SLC24A2: variants seen among roughly 807,000 people sequenced by gnomAD.
SLC24A2 encodes solute carrier family 24 member 2, also known as sodium/potassium/calcium exchanger 2.
SLC24A2 carries 36 observed loss-of-function variants against 62.0 expected under a neutral mutation model. The observed-to-expected ratio is 0.58, with a 90% CI of 0.44 to 0.77. The LOEUF (loss-of-function observed/expected upper bound fraction) is 0.77. Ranked by LOEUF, SLC24A2 falls within the 30% of genes least tolerant of loss-of-function variation. The pLI, the probability that SLC24A2 is intolerant of heterozygous loss-of-function variation, is 0.00. For synonymous variants in SLC24A2, 358 were observed against 294.0 expected (o/e 1.22, Z -2.23); for missense variants, 846 against 817.9 (o/e 1.03, Z -0.42).
chr9:19,699,502 A>C (rs550918023), intron 2 of SLC24A2, among the ~76,000 whole-genome samples: 1 of 152,364 alleles, frequency 6.6e-6, no homozygotes. Flanking sequence ...ACATTCATGC[A>C]ATATTATGAT....
chr9:19,986,275 T>C, the SLC24A2 span, among the ~76,000 whole-genome samples: 1 of 152,046 alleles, frequency 6.6e-6, no homozygotes, highest in East Asian at 1.9e-4. Context: ...AGAAAATAAG[T>C]ATAAGTGAAA....
chr9:19,902,415 C>A, the SLC24A2 span, among the ~76,000 whole-genome samples: 12 of 152,138 alleles, frequency 7.9e-5, no homozygotes, highest in Non-Finnish European at 1.8e-4. Flanking sequence ...ACAGATGAAT[C>A]CTGCCCTGAC....
intron 2 of SLC24A2, among the ~76,000 whole-genome samples, chr9:19,662,200 C>T (rs962353808): frequency 6.6e-5 from 10 of 152,226 alleles, no homozygotes; most frequent in East Asian, 1.9e-4. Flanking sequence ...TTAACATAAT[C>T]GAATATAGCC....
the SLC24A2 span, among the ~76,000 whole-genome samples, chr9:20,240,566 T>G: frequency 6.6e-6 from 1 of 152,132 alleles, no homozygotes; most frequent in African/African-American, 2.4e-5. Context: ...GCAGCTTCCT[T>G]TTTAACTTGG....
the SLC24A2 span, among the ~76,000 whole-genome samples, chr9:20,007,466 G>A: frequency 1.3e-5 from 2 of 151,958 alleles, no homozygotes; most frequent in Non-Finnish European, 2.9e-5. Flanking sequence ...AGGTTCTCAG[G>A]CTCTCCAAAT....
the SLC24A2 span, among the ~76,000 whole-genome samples, chr9:19,848,549 T>G: frequency 1.3e-5 from 2 of 152,210 alleles, no homozygotes; most frequent in African/African-American, 2.4e-5. Flanking sequence ...TGATATATGG[T>G]ATTGTATGTA....
chr9:19,588,716 A>T (rs1163132162), intron 5 of SLC24A2, among the ~76,000 whole-genome samples: 3 of 152,038 alleles, frequency 2.0e-5, no homozygotes, highest in African/African-American at 7.2e-5. Context: ...ATCCTAGCAC[A>T]TTGGGAGGCT....
At chr9:19,830,766 A>G in the SLC24A2 span, among the ~76,000 whole-genome samples, 4 of 152,168 alleles carry the variant, frequency 2.6e-5, no homozygotes, top group Admixed American at 6.5e-5. Flanking sequence ...TGCATGAGCC[A>G]AAGAGCCAAG....
the SLC24A2 span, among the ~76,000 whole-genome samples, chr9:20,292,738 C>T: frequency 6.6e-6 from 1 of 152,190 alleles, no homozygotes; most frequent in Non-Finnish European, 1.5e-5. Context: ...CACAGGCATG[C>T]ACCACCAAGC....
At chr9:19,950,105 C>G in the SLC24A2 span, among the ~76,000 whole-genome samples, 2 of 152,146 alleles carry the variant, frequency 1.3e-5, no homozygotes, top group Admixed American at 1.3e-4. Context: ...AGCCTGGGTT[C>G]AAATCCAAAT....
chr9:20,240,802 G>GTAGAA, the SLC24A2 span, among the ~76,000 whole-genome samples: 112 of 152,256 alleles, frequency 7.4e-4, 1 homozygote, highest in African/African-American at 2.6e-3. Flanking sequence ...GTTACCTAGA[G>GTAGAA]TACAAATGGA....
the SLC24A2 span, among the ~76,000 whole-genome samples, chr9:19,888,358 T>C: frequency 3.9e-5 from 6 of 152,328 alleles, no homozygotes; most frequent in East Asian, 1.2e-3. Flanking sequence ...TTCTTCTGCC[T>C]TTCTCTAATT....
chr9:20,187,037 AT>A, the SLC24A2 span, among the ~76,000 whole-genome samples: 2 of 152,122 alleles, frequency 1.3e-5, no homozygotes, highest in African/African-American at 4.8e-5. Flanking sequence ...TAGAAAAGGC[AT>A]TTTGAGGGAA....
chr9:19,552,190 C>G (rs190439357), intron 7 of SLC24A2, among the ~76,000 whole-genome samples: 384 of 152,274 alleles, frequency 2.5e-3, no homozygotes, highest in African/African-American at 8.8e-3. Context: ...TTGGTGGAAG[C>G]TTGGTGTGCT....
intron 8 of SLC24A2, among the ~76,000 whole-genome samples, chr9:19,528,806 G>A (rs1563934869): frequency 6.6e-6 from 1 of 152,152 alleles, no homozygotes; most frequent in Non-Finnish European, 1.5e-5. Flanking sequence ...GATTTCCACT[G>A]AGATGGCAGA....
In SLC24A2 at chr9:19,511,218, C is replaced by T. The variant is rs1370114867; in HGVS notation, c.*4935G>A. On this transcript the variant is annotated 3_prime_UTR_variant, in exon 11 of 11. Coordinates refer to ENST00000341998, the MANE Select transcript of SLC24A2 (RefSeq NM_020344.4). Reference sequence around the variant, plus strand: ...AGAGTTGAGCTGGCTGTGAGTAGTTCCCTTATTGCTTTTCTTGTTTGCTAT... The same window carrying T: ...AGAGTTGAGCTGGCTGTGAGTAGTTTCCTTATTGCTTTTCTTGTTTGCTAT... 1 of 152,066 alleles carries T rather than the reference C, an allele frequency of 6.6e-6. No homozygotes were observed. The highest frequency in any genetic ancestry group is 2.4e-5 in the African/African-American group (1 of 41,410). The allele number at this position is 152,066 out of a possible 1,614,324, so 9.4% of individuals were successfully genotyped here. A position where few individuals can be genotyped will look rare whatever the true frequency, so the allele number is the denominator to read the frequency against.
chr9:19,689,885 G>A (rs1475258304), intron 2 of SLC24A2, among the ~76,000 whole-genome samples: 2 of 152,206 alleles, frequency 1.3e-5, no homozygotes, highest in East Asian at 3.9e-4. Flanking sequence ...CAATGAGTTG[G>A]CAGGCTGAGT....
intron 2 of SLC24A2, among the ~76,000 whole-genome samples, chr9:19,630,411 AAT>A (rs1275701834): frequency 1.3e-5 from 2 of 152,144 alleles, no homozygotes; most frequent in African/African-American, 4.8e-5. Context: ...TTTTTTTGCC[AAT>A]CTTTTATTTT....
At chr9:20,240,244 T>G in the SLC24A2 span, among the ~76,000 whole-genome samples, 2 of 152,212 alleles carry the variant, frequency 1.3e-5, no homozygotes, top group African/African-American at 4.8e-5. Context: ...AATATTCTCT[T>G]AATTCACCTA....
Sources: allele counts gnomAD v4.1 joint callset (sites outside exome capture counted in the v4.1 genomes callset), GRCh38; gene constraint gnomAD v4.1.1; transcripts MANE v1.5; gene names NCBI Gene and HGNC (gene_info 2026-07-23, HGNC 2026-07-21).